Variants in RAPGEF6 observed in about 807,000 individuals in gnomAD.
The protein encoded by RAPGEF6 is Rap guanine nucleotide exchange factor 6, also known as PDZ domain containing guanine nucleotide exchange factor (GEF) 2.
RAPGEF6 carries 56 observed loss-of-function variants against 171.4 expected under a neutral mutation model. That is an observed-to-expected ratio of 0.33 (90% CI 0.26 to 0.41). RAPGEF6 has a LOEUF of 0.41. Among genes scored for constraint, RAPGEF6 ranks in the 10% least tolerant of loss-of-function variants. The probability of loss-of-function intolerance (pLI) is 1.00; values close to 1 mark genes in which losing one functional copy is unlikely to be tolerated. For synonymous variants in RAPGEF6, 692 were observed against 650.1 expected, an observed-to-expected ratio of 1.06 and a Z score of -0.98; for missense variants, 1,674 against 1,921.4, an observed-to-expected ratio of 0.87 and a Z score of 2.41.
At chr5:131,590,308 A>C (rs892388851) in intron 4 of RAPGEF6, among the ~76,000 whole-genome samples, 18 of 152,146 alleles carry the variant, frequency 1.2e-4, no homozygotes, top group Non-Finnish European at 2.4e-4. Context: ...GCTAAGGCAG[A>C]ATTGCTTGAA....
intron 4 of RAPGEF6, among the ~76,000 whole-genome samples, chr5:131,590,813 C>G (rs1763544077): frequency 1.3e-5 from 2 of 152,114 alleles, no homozygotes; most frequent in African/African-American, 4.8e-5. Context: ...GTCCTCATAA[C>G]AAAGATCTTG....
At chr5:131,581,223 A>G (rs2149991914) in intron 4 of RAPGEF6, among the ~76,000 whole-genome samples, 1 of 152,318 alleles carries the variant, frequency 6.6e-6, no homozygotes, top group South Asian at 2.1e-4. Context: ...TTCTTAATGA[A>G]AAGTGTTGTT....
chr5:131,583,316 G>A (rs1238586518), intron 4 of RAPGEF6, among the ~76,000 whole-genome samples: 2 of 152,112 alleles, frequency 1.3e-5, no homozygotes, highest in African/African-American at 2.4e-5. Context: ...AGTATTAATT[G>A]TTTTTTAAAA....
intron 1 of RAPGEF6, among the ~76,000 whole-genome samples, chr5:131,609,221 C>T (rs570195727): frequency 1.3e-5 from 2 of 152,144 alleles, no homozygotes; most frequent in Non-Finnish European, 2.9e-5. Flanking sequence ...AAATAAAGCT[C>T]TTTCTTTATA....
At chr5:131,512,128 C>T (rs1757773861) in intron 7 of RAPGEF6, among the ~76,000 whole-genome samples, 1 of 152,112 alleles carries the variant, frequency 6.6e-6, no homozygotes, top group Non-Finnish European at 1.5e-5. Context: ...AACAAAGCAA[C>T]AGAAACAGAG....
At chr5:131,534,644 G>A (rs373024975) in intron 6 of RAPGEF6, among the ~76,000 whole-genome samples, 4 of 146,034 alleles carry the variant, frequency 2.7e-5, no homozygotes, top group African/African-American at 1.0e-4. Flanking sequence ...TCAATCATAC[G>A]TGAGTTGGAA....
intron 21 of RAPGEF6, among the ~76,000 whole-genome samples, chr5:131,451,845 C>A (rs1224335472): frequency 6.6e-6 from 1 of 151,932 alleles, no homozygotes; most frequent in Non-Finnish European, 1.5e-5. Context: ...TTTTAATGTC[C>A]CTGTGAACTG....
At chr5:131,623,644 C>A (rs577708806) in intron 1 of RAPGEF6, among the ~76,000 whole-genome samples, 1 of 152,010 alleles carries the variant, frequency 6.6e-6, no homozygotes, top group Non-Finnish European at 1.5e-5. Context: ...CACCACCACG[C>A]CCGGCTAATT....
intron 1 of RAPGEF6, among the ~76,000 whole-genome samples, chr5:131,621,267 G>C (rs1580692542): frequency 6.6e-6 from 1 of 152,062 alleles, no homozygotes. Context: ...ATAACCTACA[G>C]ACATCCTCTG....
intron 25 of RAPGEF6, among the ~76,000 whole-genome samples, chr5:131,432,609 ACT>A (rs1751778413): frequency 6.6e-6 from 1 of 151,298 alleles, no homozygotes; most frequent in Non-Finnish European, 1.5e-5. Flanking sequence ...CAAGAGTGAC[ACT>A]CTGTCTCACA....
At chr5:131,477,808 C>G (rs573940758) in intron 16 of RAPGEF6, among the ~76,000 whole-genome samples, 7 of 152,206 alleles carry the variant, frequency 4.6e-5, no homozygotes, top group African/African-American at 1.4e-4. Flanking sequence ...CAGACAAAAC[C>G]CATTAAGGCT....
At chr5:131,586,283 A>T (rs1763250010) in intron 4 of RAPGEF6, among the ~76,000 whole-genome samples, 1 of 152,210 alleles carries the variant, frequency 6.6e-6, no homozygotes, top group African/African-American at 2.4e-5. Flanking sequence ...ATATATAAAA[A>T]ATTTCTACAT....
intron 14 of RAPGEF6, among the ~76,000 whole-genome samples, chr5:131,491,913 A>G (rs999960021): frequency 6.6e-6 from 1 of 152,218 alleles, no homozygotes; most frequent in African/African-American, 2.4e-5. Flanking sequence ...TTCAGACATC[A>G]TTGCTTAAGA....
chr5:131,491,055 C>CGTGT (rs147350380), intron 14 of RAPGEF6, among the ~76,000 whole-genome samples: 12,096 of 151,202 alleles, frequency 0.08, 985 homozygotes, highest in African/African-American at 0.22. Flanking sequence ...AATGATTTCA[C>CGTGT]GTGTGTGTGT....
chr5:131,522,955 A>G (rs897697932), intron 6 of RAPGEF6, among the ~76,000 whole-genome samples: 4 of 152,226 alleles, frequency 2.6e-5, no homozygotes. Flanking sequence ...AGCATTTCCA[A>G]TCAACTGTTG....
intron 6 of RAPGEF6, among the ~76,000 whole-genome samples, chr5:131,545,626 C>G (rs1760472291): frequency 6.6e-6 from 1 of 152,190 alleles, no homozygotes; most frequent in South Asian, 2.1e-4. Context: ...TTGCAGGACA[C>G]TGGCCAGATG....
Position 131,478,658 on chromosome 5 carries a change from A to T in RAPGEF6, c.2081+855T>A, listed in dbSNP as rs143355126. ...GGAGGATAAGAACCTTGATCTATTT[A>T]TCTTCCTGTCTCTGGCTTAGTATAT... On this transcript the variant is annotated intron_variant, in intron 16 of 27. Coordinates refer to ENST00000509018, the MANE Select transcript of RAPGEF6 (RefSeq NM_016340.6). Among the ~76,000 whole-genome samples the T allele has an allele frequency of 6.0e-3, 907 of 152,284 alleles. 6 individuals carry two copies. The highest frequency in any genetic ancestry group is 0.021 in the African/African-American group (869 of 41,558).
chr5:131,621,589 G>A (rs10061121), intron 1 of RAPGEF6, among the ~76,000 whole-genome samples: 21,706 of 152,010 alleles, frequency 0.14, 4,057 homozygotes, highest in African/African-American at 0.43. Flanking sequence ...ACCACACCTG[G>A]CCCTTGTATG....
chr5:131,517,153 C>A (rs1758140996), intron 7 of RAPGEF6, among the ~76,000 whole-genome samples: 2 of 152,136 alleles, frequency 1.3e-5, no homozygotes. Context: ...GAAAAACCAC[C>A]GAATGGGTAT....
Sources: allele counts gnomAD v4.1 joint callset (sites outside exome capture counted in the v4.1 genomes callset), GRCh38; gene constraint gnomAD v4.1.1; transcripts MANE v1.5; gene names NCBI Gene and HGNC (gene_info 2026-07-23, HGNC 2026-07-21).